CIITA: variants seen among roughly 807,000 people sequenced by gnomAD.
The protein encoded by CIITA is class II major histocompatibility complex transactivator.
A neutral mutation model predicts 115.1 loss-of-function variants in CIITA; 72 were observed. The ratio of observed to expected loss-of-function variants is 0.63; its 90% CI spans 0.52 to 0.76. The LOEUF (loss-of-function observed/expected upper bound fraction) is 0.76. Ranked by LOEUF, CIITA falls within the 30% of genes least tolerant of loss-of-function variation. CIITA has a pLI of 0.00. For synonymous variants in CIITA, 763 were observed against 635.6 expected (o/e 1.20, Z -3.02); for missense variants, 1,617 against 1,463.8 (o/e 1.10, Z -1.71).
intron 13 of CIITA, among the ~76,000 whole-genome samples, chr16:10,913,186 T>C (rs1596578429): frequency 1.3e-5 from 2 of 152,384 alleles, no homozygotes; most frequent in East Asian, 1.9e-4. Context: ...GATATCTGCA[T>C]GGCTCATGCC....
At chr16:10,893,004 C>T (rs1349376725) in intron 1 of CIITA, among the ~76,000 whole-genome samples, 1 of 152,100 alleles carries the variant, frequency 6.6e-6, no homozygotes, top group Non-Finnish European at 1.5e-5. Flanking sequence ...GTCCTAAATC[C>T]AATGACAAGT....
chr16:10,890,275 G>A (rs1408591458), intron 1 of CIITA, among the ~76,000 whole-genome samples: 1 of 150,186 alleles, frequency 6.7e-6, no homozygotes, highest in East Asian at 1.9e-4. Flanking sequence ...CTGCCCTGCT[G>A]GCTGTGGGGG....
chr16:10,881,044 C>T (rs190735889), intron 1 of CIITA, among the ~76,000 whole-genome samples: 136 of 152,204 alleles, frequency 8.9e-4, no homozygotes, highest in African/African-American at 2.6e-3. Flanking sequence ...GAGGCCGAGG[C>T]GGGTGGATTG....
rs1488972252 is a variant in CIITA, at chr16:10,935,249, G to C, written c.*11394G>C. 1 of 152,222 alleles carries C rather than the reference G, an allele frequency of 6.6e-6. No homozygotes were observed. The highest frequency in any genetic ancestry group is 2.4e-5 in the African/African-American group (1 of 41,464). The allele number at this position is 152,222 out of a possible 1,614,324, so 9.4% of individuals were successfully genotyped here. On this transcript the variant is annotated 3_prime_UTR_variant, in exon 20 of 20. Transcript: ENST00000324288. ...TACGGAGGTGACCCTAAGTAACAAGGAATCACATATAGTGAGCAAGCAATT... is the reference window on the plus strand; with the variant it reads ...TACGGAGGTGACCCTAAGTAACAAGCAATCACATATAGTGAGCAAGCAATT...
intron 16 of CIITA, among the ~76,000 whole-genome samples, chr16:10,921,502 C>T (rs948328874): frequency 6.6e-6 from 1 of 152,112 alleles, no homozygotes; most frequent in Non-Finnish European, 1.5e-5. Flanking sequence ...TTCTAGGCAC[C>T]AAGGCATGTT....
chr16:10,895,623 T>G (rs2038053946), intron 2 of CIITA, 46 bp from the exon 3 acceptor site: 6 of 1,611,568 alleles, frequency 3.7e-6, no homozygotes, highest in Non-Finnish European at 3.4e-6. Context: ...CCACCAGCCC[T>G]CTTTCCAGAA....
chr16:10,886,260 T>C (rs1335098021), intron 1 of CIITA, among the ~76,000 whole-genome samples: 2 of 152,156 alleles, frequency 1.3e-5, no homozygotes, highest in Non-Finnish European at 2.9e-5. Flanking sequence ...TTTTGCATTC[T>C]GTACTATGTT....
At chr16:10,871,831 C>T (rs1277718735) in intron 1 of CIITA, among the ~76,000 whole-genome samples, 1 of 152,182 alleles carries the variant, frequency 6.6e-6, no homozygotes, top group Admixed American at 6.5e-5. Context: ...CCCTCTACCC[C>T]AGGAACCACA....
In CIITA at chr16:10,923,398, A is replaced by G; in HGVS notation, c.*22+73A>G. The G allele has an allele frequency of 1.6e-6, 2 of 1,244,880 alleles. No homozygotes were observed. The highest frequency in any genetic ancestry group is 2.4e-6 in the Non-Finnish European group (2 of 850,692). The allele number at this position is 1,244,880 out of a possible 1,614,324, so 77.1% of individuals were successfully genotyped here. On this transcript the variant is annotated intron_variant, in intron 19 of 19. Coordinates refer to ENST00000324288, the MANE Select transcript of CIITA (RefSeq NM_000246.4). This position sits in a 1 kb window ranked among gnomAD's most constrained non-coding sequence, Gnocchi z 5.2. ...AGTGTCCTTGTGAAGGTGGCATTCA[A>G]AAAATGTGGGCGGGACACAGGTGGG...
chr16:10,909,096 C>A lies in CIITA; in HGVS notation c.2725C>A (p.Gln909Lys), dbSNP rs2039378892. The A allele has an allele frequency of 1.9e-6, 3 of 1,614,142 alleles. No homozygotes were observed. In the South Asian group the frequency reaches 3.3e-5, roughly 18 times the overall value. The change falls in exon 12 of 20, where the codon CAG (glutamine) becomes AAG (lysine). Residue 909 changes from glutamine to lysine, a missense_variant. Coordinates refer to ENST00000324288, the MANE Select transcript of CIITA (RefSeq NM_000246.4). ...LQQHGETKLL[Q>K]AAEEKFTIEP... is the part of the protein sequence containing the mutation. ...GCAGCATGGGGAGACCAAGCTACTT[C>A]AGGCAGCAGAGGAGAAGTTCACCAT...
chr16:10,887,545 G>C (rs1468271327), intron 1 of CIITA, among the ~76,000 whole-genome samples: 1 of 151,600 alleles, frequency 6.6e-6, no homozygotes, highest in African/African-American at 2.4e-5. Context: ...ACCGAGGCTG[G>C]AGTGCAGTGG....
upstream of CIITA, among the ~76,000 whole-genome samples, chr16:10,876,764 A>T (rs1017934542): frequency 4.6e-5 from 7 of 152,194 alleles, no homozygotes; most frequent in Non-Finnish European, 8.8e-5. Context: ...AATTCAGGGC[A>T]ATTTGGTGTG....
intron 5 of CIITA, 102 bp downstream of exon 5, chr16:10,899,104 C>G (rs763982210): frequency 7.0e-6 from 8 of 1,143,264 alleles, no homozygotes; most frequent in Non-Finnish European, 1.0e-5. Context: ...CTCGCTAAGT[C>G]CTGTCTGGTT....
chr16:10,908,344 A>G, intron 11 of CIITA, 195 bp downstream of exon 11: 2 of 721,494 alleles, frequency 2.8e-6, no homozygotes, highest in Non-Finnish European at 4.9e-6. Context: ...AGCAAGTGAG[A>G]GGCAATGGCA....
At chr16:10,918,569 G>A (rs375386948) in intron 16 of CIITA, 43 bp downstream of exon 16, 11 of 1,561,570 alleles carry the variant, frequency 7.0e-6, no homozygotes, top group East Asian at 2.2e-5. Context: ...GAGCTGGGGG[G>A]CTGCAGAGCG....
intron 1 of CIITA, among the ~76,000 whole-genome samples, chr16:10,878,206 C>A (rs1392823935): frequency 6.6e-6 from 1 of 152,130 alleles, no homozygotes; most frequent in Non-Finnish European, 1.5e-5. Flanking sequence ...TTCTCAGACT[C>A]CCCTGAAATG....
chr16:10,909,329 C>T (rs1269975466), intron 12 of CIITA, 142 bp downstream of exon 12: 1 of 907,172 alleles, frequency 1.1e-6, no homozygotes, highest in African/African-American at 1.6e-5. Context: ...CAATGGCTAA[C>T]CAGAGTCTCT....
chr16:10,901,930 C>G lies in CIITA; in HGVS notation c.482-108C>G, dbSNP rs2038799018. On this transcript the variant is annotated intron_variant, in intron 6 of 19. Transcript: ENST00000324288. The surrounding 1 kb of genome is among the most constrained non-coding windows in gnomAD (Gnocchi z 6.8). ...GCTGCAGCCAGGGCTGAGAAGATGA[C>G]AAGCATTTCCTCTGTCAGGAGAGAC... is the stretch of plus-strand genomic sequence containing the variant. 2.1e-6 allele frequency: 3 copies of G among 1,462,042 alleles called. No homozygotes were observed. The highest frequency in any genetic ancestry group is 1.4e-5 in the African/African-American group (1 of 72,006). 90.6% of individuals were successfully genotyped at this position (1,462,042 alleles called of 1,614,324 possible).
Position 10,908,012 on chromosome 16 carries a change from C to G in CIITA, c.2520C>G (p.Leu840=). 1 of 1,602,786 alleles carries G rather than the reference C, an allele frequency of 6.2e-7. No homozygotes were observed. The highest frequency in any genetic ancestry group is 8.5e-7 in the Non-Finnish European group (1 of 1,172,252). ...PGRLSFLGTR[L]TPPDAHVLGK... ...GCCTCTCTTTTCTGGGCACCCGCCT[C>G]ACGCCTCCTGATGCACATGTACTGG... The change falls in exon 11 of 20, where the codon CTC becomes CTG. Residue 840 remains leucine, a synonymous_variant. Transcript: ENST00000324288.
Sources: allele counts gnomAD v4.1 joint callset (sites outside exome capture counted in the v4.1 genomes callset), GRCh38; gene constraint gnomAD v4.1.1; non-coding constraint Gnocchi (gnomAD v3.1); transcripts MANE v1.5; gene names NCBI Gene and HGNC (gene_info 2026-07-23, HGNC 2026-07-21).